The following ZBTB20 variants were observed in gnomAD, a reference collection of about 807,000 sequenced individuals.
The protein encoded by ZBTB20 is zinc finger and BTB domain containing 20, also known as zinc finger and BTB domain-containing protein 20.
ZBTB20 carries 9 observed loss-of-function variants against 56.9 expected under a neutral mutation model. That is an observed-to-expected ratio of 0.16 (90% CI 0.10 to 0.28). The LOEUF (loss-of-function observed/expected upper bound fraction) is 0.28, where lower values mean the gene tolerates loss of function less well. Ranked by LOEUF, ZBTB20 falls within the 10% of genes least tolerant of loss-of-function variation. The probability of loss-of-function intolerance (pLI) is 1.00; values close to 1 mark genes in which losing one functional copy is unlikely to be tolerated. For synonymous variants in ZBTB20, 417 were observed against 420.7 expected (o/e 0.99, Z 0.11); for missense variants, 655 against 1,003.0 (o/e 0.65, Z 4.69).
intron 6 of ZBTB20, among the ~76,000 whole-genome samples, chr3:114,570,246 T>C (rs1284820149): frequency 6.6e-6 from 1 of 151,930 alleles, no homozygotes; most frequent in Non-Finnish European, 1.5e-5. Context: ...TTTTTAAGTT[T>C]TTGTTTTTCC....
Position 114,655,701 on chromosome 3 carries a change from T to C in ZBTB20, c.-295+37827A>G, listed in dbSNP as rs185220425. ...TTTAATTATCACTGTTTACACAGAG[T>C]TAATATTTTACCACTTTATGCAAAT... On this transcript the variant is annotated intron_variant, in intron 6 of 11. Transcript: ENST00000675478. 5.3e-4 allele frequency among the ~76,000 whole-genome samples: 81 copies of C among 152,298 alleles called. 3 individuals carry two copies. In the South Asian group the frequency reaches 5.4e-3, roughly 10 times the overall value.
Position 114,844,542 on chromosome 3 carries a change from A to AC in ZBTB20, c.-416-43369_-416-43368insG, listed in dbSNP as rs1158985425. On this transcript the variant is annotated intron_variant, in intron 4 of 11. Transcript: ENST00000675478. ...TCTCAAAAAAAAAAAAAAAAAAAAA[A>AC]AAAAAAAAAACTTTCATTTCTCTTG... Among the ~76,000 whole-genome samples the AC allele has an allele frequency of 1.0e-4, 14 of 140,584 alleles. 1 individual carries two copies. The highest frequency in any genetic ancestry group is 2.0e-4 in the Non-Finnish European group (13 of 65,716). 92.2% of individuals were successfully genotyped at this position (140,584 alleles called of 152,430 possible).
chr3:114,743,358 C>T (rs934815916), intron 5 of ZBTB20: 17 of 152,012 alleles, frequency 1.1e-4, no homozygotes, highest in Admixed American at 9.8e-4. Flanking sequence ...GATCTCAAGA[C>T]GACTGACAGT....
At chr3:114,961,383 C>A (rs1306403717) in intron 3 of ZBTB20, among the ~76,000 whole-genome samples, 1 of 151,924 alleles carries the variant, frequency 6.6e-6, no homozygotes, top group African/African-American at 2.4e-5. Flanking sequence ...TTCCAGAAGT[C>A]TAAAAATAAT....
intron 6 of ZBTB20, among the ~76,000 whole-genome samples, chr3:114,617,218 C>G (rs1023622430): frequency 6.6e-6 from 1 of 152,200 alleles, no homozygotes; most frequent in Non-Finnish European, 1.5e-5. Flanking sequence ...CAGGGTCCAA[C>G]ATGATTGTTC....
intron 7 of ZBTB20, among the ~76,000 whole-genome samples, chr3:114,452,115 T>G (rs886606031): frequency 4.6e-5 from 7 of 151,672 alleles, no homozygotes; most frequent in African/African-American, 1.7e-4. Context: ...AAATTAAAAA[T>G]GCAGGGACAA....
chr3:114,889,182 G>A (rs555906270), intron 4 of ZBTB20, among the ~76,000 whole-genome samples: 1 of 151,820 alleles, frequency 6.6e-6, no homozygotes, highest in Non-Finnish European at 1.5e-5. Flanking sequence ...AATAGAAATT[G>A]TATTCATAAT....
intron 1 of ZBTB20, among the ~76,000 whole-genome samples, chr3:115,141,438 T>C (rs1220002574): frequency 1.3e-5 from 2 of 152,178 alleles, no homozygotes; most frequent in Non-Finnish European, 2.9e-5. Flanking sequence ...ACAAGTACAC[T>C]TGAAACCATT....
chr3:114,567,383 T>C (rs1482927454), intron 6 of ZBTB20, among the ~76,000 whole-genome samples: 2 of 152,214 alleles, frequency 1.3e-5, no homozygotes, highest in East Asian at 1.9e-4. Context: ...TTTCCTACTA[T>C]AGCATGTTAA....
At chr3:114,694,129 A>G (rs1243293477) in intron 5 of ZBTB20, among the ~76,000 whole-genome samples, 1 of 152,042 alleles carries the variant, frequency 6.6e-6, no homozygotes, top group Non-Finnish European at 1.5e-5. Flanking sequence ...CTCCTTTATA[A>G]GTATAAATAA....
chr3:114,398,330 T>C (rs1402559476), intron 7 of ZBTB20, among the ~76,000 whole-genome samples: 1 of 152,140 alleles, frequency 6.6e-6, no homozygotes, highest in African/African-American at 2.4e-5. Flanking sequence ...AGTAGGATGT[T>C]ATAACCATGT....
chr3:114,690,774 C>A (rs1459247381), intron 6 of ZBTB20, among the ~76,000 whole-genome samples: 1 of 152,084 alleles, frequency 6.6e-6, no homozygotes, highest in Non-Finnish European at 1.5e-5. Context: ...TGCCAATAAT[C>A]TTAATTAAAA....
chr3:114,812,184 G>C (rs990506512), intron 4 of ZBTB20, among the ~76,000 whole-genome samples: 1 of 152,112 alleles, frequency 6.6e-6, no homozygotes, highest in Non-Finnish European at 1.5e-5. Flanking sequence ...TGCTGGCTCC[G>C]GCAGCCTGCT....
intron 2 of ZBTB20, among the ~76,000 whole-genome samples, chr3:114,989,068 G>C (rs1209693957): frequency 2.0e-5 from 3 of 152,080 alleles, no homozygotes; most frequent in Non-Finnish European, 4.4e-5. Flanking sequence ...TCACTCTGAT[G>C]GTAGTTTCTT....
chr3:114,317,600 C>A lies in ZBTB20; in HGVS notation c.*21405G>T, dbSNP rs1312932482. ...ATGAAGGGGTTGAAATGTTTGTGTT[C>A]AATGTTTAGGGGGAATGTGTTAAAC... On this transcript the variant is annotated 3_prime_UTR_variant, in exon 12 of 12. Coordinates refer to ENST00000675478, the MANE Select transcript of ZBTB20 (RefSeq NM_001348800.3). 1 of 152,110 alleles carries A rather than the reference C, an allele frequency of 6.6e-6. No individual in the cohort carries two copies. Among genetic ancestry groups the A allele is most frequent in the Non-Finnish European group, 1.5e-5 (1 of 68,024 alleles). 9.4% of individuals were successfully genotyped at this position (152,110 alleles called of 1,614,324 possible).
At chr3:114,807,452 GCTT>G (rs2072199644) in intron 4 of ZBTB20, among the ~76,000 whole-genome samples, 2 of 151,022 alleles carry the variant, frequency 1.3e-5, no homozygotes, top group African/African-American at 2.4e-5. Flanking sequence ...AGCTGCTGCT[GCTT>G]CTTTTTTTTT....
At chr3:114,583,291 A>G (rs2054842295) in intron 6 of ZBTB20, among the ~76,000 whole-genome samples, 1 of 152,270 alleles carries the variant, frequency 6.6e-6, no homozygotes, top group Non-Finnish European at 1.5e-5. Context: ...GAAATGAAAC[A>G]AAAAGGAAAC....
chr3:114,603,195 T>C (rs536797086), intron 6 of ZBTB20, among the ~76,000 whole-genome samples: 8 of 152,094 alleles, frequency 5.3e-5, no homozygotes, highest in Admixed American at 2.0e-4. Flanking sequence ...GGTGAATAAC[T>C]TAAAGGGGTG....
chr3:114,692,773 T>C (rs534125610), intron 6 of ZBTB20, among the ~76,000 whole-genome samples: 28 of 152,268 alleles, frequency 1.8e-4, no homozygotes, highest in Admixed American at 1.7e-3. Flanking sequence ...TCAAGAATTC[T>C]AGAAGGCCAC....
Sources: allele counts gnomAD v4.1 joint callset (sites outside exome capture counted in the v4.1 genomes callset), GRCh38; gene constraint gnomAD v4.1.1; transcripts MANE v1.5; gene names NCBI Gene and HGNC (gene_info 2026-07-23, HGNC 2026-07-21).